Variants in GRM3 observed in about 807,000 individuals in gnomAD.
GRM3 encodes glutamate metabotropic receptor 3.
GRM3 carries 26 observed loss-of-function variants against 70.5 expected under a neutral mutation model. The observed-to-expected ratio is 0.37, with a 90% CI of 0.27 to 0.51. The LOEUF is 0.51. GRM3 is among the 20% of genes least tolerant of loss of function. GRM3 has a pLI of 0.93. For missense variants in GRM3, 859 were observed against 1,123.8 expected (o/e 0.76, Z 3.37); for synonymous variants, 443 against 434.9 (o/e 1.02, Z -0.23).
rs138828882 is a variant in GRM3, at chr7:86,744,689, C to T, written c.-140-20317C>T. Among the ~76,000 whole-genome samples the T allele has an allele frequency of 1.2e-3, 186 of 152,154 alleles. 2 individuals carry two copies. The highest frequency in any genetic ancestry group is 4.3e-3 in the African/African-American group (178 of 41,524). On this transcript the variant is annotated intron_variant, in intron 1 of 5. Transcript: ENST00000361669. ...CTATATATGCCGGGCAGTCTGTCAG[C>T]ATTCTGATGCATGAACAGGTGAATA...
rs951623674 is a variant in GRM3, at chr7:86,644,945, G to T, written c.-141+73G>T. The stretch of plus-strand genomic sequence containing the variant: ...GGGCGCGGAAGCTCGGGTGCCGCGT[G>T]GGGCAGGCGCAGCCGGGAAAGTTGA... On this transcript the variant is annotated intron_variant, in intron 1 of 5. Transcript: ENST00000361669. 9 of 769,428 alleles carry T rather than the reference G, an allele frequency of 1.2e-5. No individual in the cohort carries two copies. In the African/African-American group the frequency reaches 1.6e-4, roughly 14 times the overall value. The allele number at this position is 769,428 out of a possible 1,614,324, so 47.7% of individuals were successfully genotyped here.
intron 3 of GRM3, among the ~76,000 whole-genome samples, chr7:86,833,670 A>G (rs1263126820): frequency 6.6e-6 from 1 of 152,152 alleles, no homozygotes; most frequent in Non-Finnish European, 1.5e-5. Flanking sequence ...CCGTTCAAGG[A>G]CAGGATTTTT....
intron 1 of GRM3, among the ~76,000 whole-genome samples, chr7:86,681,134 C>T (rs1794431159): frequency 6.6e-6 from 1 of 152,136 alleles, no homozygotes; most frequent in Admixed American, 6.6e-5. Context: ...TCTACTATCA[C>T]TCCTTTTATT....
chr7:86,707,005 C>T (rs570356587), intron 1 of GRM3, among the ~76,000 whole-genome samples: 1 of 151,968 alleles, frequency 6.6e-6, no homozygotes, highest in African/African-American at 2.4e-5. Context: ...TTAAAATTTT[C>T]TTTGAGGAAA....
chr7:86,829,618 G>A (rs1562876758), intron 3 of GRM3, among the ~76,000 whole-genome samples: 1 of 152,154 alleles, frequency 6.6e-6, no homozygotes, highest in African/African-American at 2.4e-5. Context: ...AGGTGATGGA[G>A]AGAGATAGGG....
chr7:86,817,070 A>G (rs1262867232), intron 3 of GRM3, among the ~76,000 whole-genome samples: 2 of 151,974 alleles, frequency 1.3e-5, no homozygotes, highest in Non-Finnish European at 2.9e-5. Flanking sequence ...AAGAAAAATA[A>G]TCTTGTTATT....
chr7:86,837,187 G>A (rs548970557), intron 3 of GRM3, among the ~76,000 whole-genome samples: 1 of 152,186 alleles, frequency 6.6e-6, no homozygotes, highest in Non-Finnish European at 1.5e-5. Context: ...AAACTACCCA[G>A]CCCAGCCCTC....
chr7:86,701,541 T>G (rs1794946684), intron 1 of GRM3, among the ~76,000 whole-genome samples: 2 of 151,984 alleles, frequency 1.3e-5, no homozygotes, highest in African/African-American at 4.8e-5. Context: ...ATATTTCCTT[T>G]GTTTTAAACT....
chr7:86,744,647 G>A (rs1418087061), intron 1 of GRM3, among the ~76,000 whole-genome samples: 5 of 151,936 alleles, frequency 3.3e-5, no homozygotes, highest in Admixed American at 3.3e-4. Flanking sequence ...ACCATCTCAG[G>A]TAAGAATAAA....
intron 1 of GRM3, among the ~76,000 whole-genome samples, chr7:86,708,063 G>C (rs1198535170): frequency 6.6e-6 from 1 of 152,080 alleles, no homozygotes; most frequent in Non-Finnish European, 1.5e-5. Context: ...ACTAACAACA[G>C]ATAGAACTGG....
intron 4 of GRM3, among the ~76,000 whole-genome samples, chr7:86,842,120 A>T (rs1005534232): frequency 6.6e-6 from 1 of 152,188 alleles, no homozygotes; most frequent in African/African-American, 2.4e-5. Context: ...AGCCTCAGAG[A>T]TTCTGATTTA....
chr7:86,715,772 G>C (rs939745245), intron 1 of GRM3, among the ~76,000 whole-genome samples: 6 of 151,958 alleles, frequency 3.9e-5, no homozygotes, highest in Non-Finnish European at 7.4e-5. Flanking sequence ...CAAAATGCTG[G>C]CTTACTCTAA....
At position 86,852,602 on chromosome 7, in the gene GRM3, T is replaced by A. The variant is rs1352829716; in HGVS notation, c.2566+2058T>A. On this transcript the variant is annotated intron_variant, in intron 5 of 5. Transcript: ENST00000361669. ...CTTGTTAATAAAATTATAAATAAAC[T>A]TTTTTTTAAAAAAGGTCTAAATTCA... Among the ~76,000 whole-genome samples the A allele has an allele frequency of 5.9e-5, 9 of 151,378 alleles. No homozygotes were observed. The Admixed American group carries it at 6.0e-4, about 10-fold the overall frequency.
chr7:86,681,382 T>C (rs1445538721), intron 1 of GRM3, among the ~76,000 whole-genome samples: 4 of 152,310 alleles, frequency 2.6e-5, no homozygotes, highest in African/African-American at 9.6e-5. Flanking sequence ...GATTAAAAGA[T>C]ACTATATCTC....
intron 2 of GRM3, among the ~76,000 whole-genome samples, chr7:86,774,865 TA>T (rs1796847068): frequency 6.6e-6 from 1 of 152,090 alleles, no homozygotes; most frequent in Non-Finnish European, 1.5e-5. Context: ...AATTTCTCAA[TA>T]AAAAAGTAAA....
At chr7:86,796,607 G>A (rs940439294) in intron 3 of GRM3, among the ~76,000 whole-genome samples, 1 of 152,112 alleles carries the variant, frequency 6.6e-6, no homozygotes, top group African/African-American at 2.4e-5. Flanking sequence ...AATGTCGATG[G>A]TAATTTAGTG....
At chr7:86,709,973 A>T (rs933199087) in intron 1 of GRM3, 1 of 152,098 alleles carries the variant, frequency 6.6e-6, no homozygotes, top group Non-Finnish European at 1.5e-5. Context: ...TATTTGAGGA[A>T]CCAATATGAT....
chr7:86,744,120 G>T (rs1796049600), intron 1 of GRM3, among the ~76,000 whole-genome samples: 2 of 151,964 alleles, frequency 1.3e-5, no homozygotes, highest in Non-Finnish European at 2.9e-5. Context: ...ACTATACGAA[G>T]CATCCCACAC....
chr7:86,676,332 C>T (rs1794305053), intron 1 of GRM3, among the ~76,000 whole-genome samples: 2 of 151,848 alleles, frequency 1.3e-5, no homozygotes, highest in Admixed American at 6.6e-5. Flanking sequence ...CAAAAAATAT[C>T]TCAATAAAAG....
Sources: allele counts gnomAD v4.1 joint callset (sites outside exome capture counted in the v4.1 genomes callset), GRCh38; gene constraint gnomAD v4.1.1; transcripts MANE v1.5; gene names NCBI Gene and HGNC (gene_info 2026-07-23, HGNC 2026-07-21).